Variants in MIER1 observed in about 807,000 individuals in gnomAD.
The protein encoded by MIER1 is mesoderm induction early response protein 1.
A neutral mutation model predicts 75.7 loss-of-function variants in MIER1; 40 were observed. The ratio of observed to expected loss-of-function variants is 0.53; its 90% CI spans 0.41 to 0.69. MIER1 has a LOEUF of 0.69. Among genes scored for constraint, MIER1 ranks in the 30% least tolerant of loss-of-function variants. The pLI is 0.00. For missense variants in MIER1, 574 were observed against 680.2 expected (o/e 0.84, Z 1.74); for synonymous variants, 213 against 223.4 (o/e 0.95, Z 0.42).
At chr1:66,961,172 A>G (rs771714533) in intron 7 of MIER1, among the ~76,000 whole-genome samples, 48 of 152,052 alleles carry the variant, frequency 3.2e-4, no homozygotes, top group Non-Finnish European at 5.4e-4. Context: ...TTTCAGTATG[A>G]TTTTGTTGTT....
intron 4 of MIER1, among the ~76,000 whole-genome samples, chr1:66,953,685 C>G (rs1000714442): frequency 1.3e-5 from 2 of 151,598 alleles, no homozygotes; most frequent in Non-Finnish European, 2.9e-5. Context: ...CTCACTGCAG[C>G]CCCTGCCTCC....
Position 66,986,595 on chromosome 1 carries a change from C to G in MIER1, c.*1695C>G, listed in dbSNP as rs1666812508. 1.3e-6 allele frequency: 1 copy of G among 792,448 alleles called. No homozygotes were observed. Among genetic ancestry groups the G allele is most frequent in the African/African-American group, 1.7e-5 (1 of 57,584 alleles). 49.1% of individuals were successfully genotyped at this position (792,448 alleles called of 1,614,324 possible). A position where few individuals can be genotyped will look rare whatever the true frequency, so the allele number is the denominator to read the frequency against. ...GTATTACTGTTAACATATGTTCGGA[C>G]TGCTTCCCTTCACCAATGTGAACAA... is the stretch of plus-strand genomic sequence containing the variant. On this transcript the variant is annotated 3_prime_UTR_variant, in exon 14 of 14. Coordinates refer to ENST00000401041, the MANE Select transcript of MIER1 (RefSeq NM_001077700.3).
chr1:66,955,099 A>C (rs1399120566), intron 4 of MIER1, among the ~76,000 whole-genome samples: 1 of 152,172 alleles, frequency 6.6e-6, no homozygotes, highest in Non-Finnish European at 1.5e-5. Context: ...GACATTCTAC[A>C]TTCTTGATAA....
intron 7 of MIER1, 187 bp downstream of exon 7, chr1:66,959,930 A>G (rs192763270): frequency 2.1e-3 from 661 of 308,422 alleles, no homozygotes; most frequent in Non-Finnish European, 2.7e-3. Context: ...TTAGAAATCT[A>G]CATTTCTGGC....
chr1:66,953,380 T>C (rs1048437835), intron 4 of MIER1, among the ~76,000 whole-genome samples: 1 of 152,146 alleles, frequency 6.6e-6, no homozygotes, highest in Non-Finnish European at 1.5e-5. Flanking sequence ...CAAAATTGAT[T>C]CTGATTTTTA....
At chr1:66,965,541 T>C (rs2101802833) in intron 8 of MIER1, among the ~76,000 whole-genome samples, 1 of 152,306 alleles carries the variant, frequency 6.6e-6, no homozygotes, top group East Asian at 1.9e-4. Flanking sequence ...TGTGGGTACA[T>C]AGTAGGTGTA....
In MIER1 at chr1:66,959,732, G is replaced by T. The variant is rs1255571340; in HGVS notation, c.688G>T (p.Asp230Tyr). 1 of 1,417,448 alleles carries T rather than the reference G, an allele frequency of 7.1e-7. No individual in the cohort carries two copies. The highest frequency in any genetic ancestry group is 9.4e-7 in the Non-Finnish European group (1 of 1,059,884). The allele number at this position is 1,417,448 out of a possible 1,614,324, so 87.8% of individuals were successfully genotyped here. Residue 230 changes from aspartate (D) to tyrosine (Y), a missense_variant, in exon 7 of 14, where the codon GAC (aspartate) becomes TAC (tyrosine). Coordinates refer to ENST00000401041, the MANE Select transcript of MIER1 (RefSeq NM_001077700.3). ...EEDEDYIPSE[D>Y]WKKEIMVGSM... ...AGATGAAGATTATATTCCATCAGAA[G>T]ACTGGAAAAAGGTAGTTAGAACAAT...
At position 66,931,069 on chromosome 1, in the gene MIER1, C is replaced by A. The variant is rs113589527; in HGVS notation, c.168+4827C>A. ...TCACTTTCCAGGCTTCCCCCCACCC[C>A]CTTTCCAAATCAAGGCTACCTATTC... On this transcript the variant is annotated intron_variant, in intron 2 of 13. Transcript: ENST00000401041. Among the ~76,000 whole-genome samples the A allele has an allele frequency of 7.7e-3, 1,168 of 151,720 alleles. 10 individuals carry two copies. The highest frequency in any genetic ancestry group is 0.027 in the African/African-American group (1,120 of 41,252).
At chr1:66,939,502 T>G (rs1655672567) in intron 2 of MIER1, among the ~76,000 whole-genome samples, 1 of 152,166 alleles carries the variant, frequency 6.6e-6, no homozygotes, top group Non-Finnish European at 1.5e-5. Flanking sequence ...ATCTGTAAAG[T>G]TAACCTAATA....
intron 7 of MIER1, 83 bp from the exon 8 acceptor site, chr1:66,963,004 AG>A: frequency 1.1e-6 from 1 of 895,068 alleles, no homozygotes; most frequent in Non-Finnish European, 1.8e-6. Context: ...AACCAGGAAC[AG>A]TTTACTAAGA....
chr1:66,959,036 T>A (rs1660718818), intron 6 of MIER1, 53 bp downstream of exon 6: 5 of 1,426,376 alleles, frequency 3.5e-6, no homozygotes, highest in Non-Finnish European at 4.9e-6. Context: ...ATTTTAGGTA[T>A]TACCTAAAAT....
At chr1:66,960,705 T>A (rs1661084811) in intron 7 of MIER1, among the ~76,000 whole-genome samples, 1 of 152,172 alleles carries the variant, frequency 6.6e-6, no homozygotes, top group Admixed American at 6.6e-5. Context: ...TTATTTTTGT[T>A]GAGAGACAAG....
intron 2 of MIER1, 110 bp downstream of exon 2, chr1:66,926,352 C>T: frequency 1.4e-6 from 1 of 719,724 alleles, no homozygotes; most frequent in Non-Finnish European, 2.3e-6. Flanking sequence ...AACTGATGGG[C>T]CAAAAATTTC....
chr1:66,943,022 C>T (rs1203901522), intron 3 of MIER1, among the ~76,000 whole-genome samples: 1 of 152,072 alleles, frequency 6.6e-6, no homozygotes, highest in Non-Finnish European at 1.5e-5. Flanking sequence ...TGTCTAATTA[C>T]AATTATATTC....
chr1:66,925,632 T>C, intron 1 of MIER1: 1 of 800,630 alleles, frequency 1.2e-6, no homozygotes, highest in Non-Finnish European at 1.5e-6. Flanking sequence ...GAGGTCCTCC[T>C]AGCGCGTGGG....
rs1652432354 is a variant in MIER1, at chr1:66,928,840, G to A, written c.168+2598G>A. 19 of 1,259,254 alleles carry A rather than the reference G, an allele frequency of 1.5e-5. No individual in the cohort carries two copies. The South Asian group carries it at 2.5e-4, about 16-fold the overall frequency. 78.0% of individuals were successfully genotyped at this position (1,259,254 alleles called of 1,614,324 possible). A position where few individuals can be genotyped will look rare whatever the true frequency, so the allele number is the denominator to read the frequency against. On this transcript the variant is annotated intron_variant, in intron 2 of 13. Transcript: ENST00000401041. ...TGGTAAAAATTGTTTGTAGATTTGG[G>A]AACCTTAAAGTTTTCCTTTCTCTTC...
intron 1 of MIER1, 103 bp downstream of exon 1, chr1:66,925,198 C>A: frequency 1.4e-6 from 2 of 1,436,752 alleles, no homozygotes; most frequent in Non-Finnish European, 9.1e-7. Context: ...CCCTCCCCCA[C>A]GGCAGTGTAC....
chr1:66,949,384 C>T (rs1220359043), intron 4 of MIER1, among the ~76,000 whole-genome samples: 1 of 152,006 alleles, frequency 6.6e-6, no homozygotes, highest in East Asian at 1.9e-4. Flanking sequence ...TCTCCTATTC[C>T]TTTCCCCAGC....
rs1652485608 is a variant in MIER1 at position 66,929,070 on chromosome 1, G to T, written c.168+2828G>T. The T allele has an allele frequency of 1.6e-5, 12 of 748,340 alleles. No homozygotes were observed. The South Asian group carries it at 1.8e-4, about 11-fold the overall frequency. 46.4% of individuals were successfully genotyped at this position (748,340 alleles called of 1,614,324 possible). On this transcript the variant is annotated intron_variant, in intron 2 of 13. Transcript: ENST00000401041. ...GTTTCAAATTAACATTGAATCTTTG[G>T]AAATAGGAAAATGCTTGATAGAGTC... is the stretch of plus-strand genomic sequence containing the variant.
Sources: allele counts gnomAD v4.1 joint callset (sites outside exome capture counted in the v4.1 genomes callset), GRCh38; gene constraint gnomAD v4.1.1; transcripts MANE v1.5; gene names NCBI Gene and HGNC (gene_info 2026-07-23, HGNC 2026-07-21).